TBC1D12: variants seen among roughly 807,000 people sequenced by gnomAD.
The protein encoded by TBC1D12 is TBC1 domain family, member 12.
Under a neutral mutation model 86.7 loss-of-function variants are expected in TBC1D12, and 56 were observed. The ratio of observed to expected loss-of-function variants is 0.65; its 90% confidence interval spans 0.52 to 0.81. The LOEUF is 0.81. TBC1D12 is among the 30% of genes least tolerant of loss of function. The pLI, the probability that TBC1D12 is intolerant of heterozygous loss-of-function variation, is 0.00. For missense variants in TBC1D12, 1,023 were observed against 1,038.8 expected (o/e 0.98, Z 0.21); for synonymous variants, 421 against 411.7 (o/e 1.02, Z -0.27).
chr10:94,491,272 C>T (rs1443552791), intron 3 of TBC1D12, among the ~76,000 whole-genome samples: 1 of 152,086 alleles, frequency 6.6e-6, no homozygotes, highest in Non-Finnish European at 1.5e-5. Context: ...CTCCTACAAC[C>T]TACCAGATCA....
chr10:94,482,710 A>G (rs567060760), intron 3 of TBC1D12, among the ~76,000 whole-genome samples: 2 of 152,154 alleles, frequency 1.3e-5, no homozygotes, highest in South Asian at 2.1e-4. Context: ...TCAGCCTCCC[A>G]AAGTGCTAGG....
At position 94,501,887 on chromosome 10, in the gene TBC1D12, G is replaced by A. The variant is rs1266896797; in HGVS notation, c.1519+1560G>A. Among the ~76,000 whole-genome samples, 3 of 151,986 alleles carry A rather than the reference G, an allele frequency of 2.0e-5. No homozygotes were observed. The East Asian group carries it at 5.8e-4, about 29-fold the overall frequency. On this transcript the variant is annotated intron_variant, in intron 6 of 12. Transcript: ENST00000225235. ...GATGAGTTTTTAAAAAATTAAGCTGGACATGGTGGCTCATGCCTGTAGTCC... is the reference window on the plus strand; with the variant it reads ...GATGAGTTTTTAAAAAATTAAGCTGAACATGGTGGCTCATGCCTGTAGTCC...
chr10:94,471,403 T>G (rs1176775892), intron 2 of TBC1D12, among the ~76,000 whole-genome samples: 1 of 152,196 alleles, frequency 6.6e-6, no homozygotes, highest in Non-Finnish European at 1.5e-5. Context: ...ACAGCTTTCA[T>G]CAAACTTGGC....
rs563172740 is a variant in TBC1D12, at chr10:94,515,979, AT to A, written c.1761+4329del. On this transcript the variant is annotated intron_variant, in intron 9 of 12. Transcript: ENST00000225235. ...GCAGGAAGGAGCAGGACCACTCCAG[AT>A]TTTACCACCCTATTTAGAACAGCAT... 3.0e-3 allele frequency among the ~76,000 whole-genome samples: 455 copies of A among 152,276 alleles called. 3 individuals carry two copies. The highest frequency in any genetic ancestry group is 0.01 in the African/African-American group (429 of 41,556).
At position 94,533,885 on chromosome 10, in the gene TBC1D12, T is replaced by C. The variant is rs1842490102; in HGVS notation, c.*789T>C. On this transcript the variant is annotated 3_prime_UTR_variant, in exon 13 of 13. Transcript: ENST00000225235. ...ACTTCAGTGGATTGAAGACTTGACT[T>C]TGAGAGTAAGTCCAAAAACATATAT... 6.6e-6 allele frequency: 1 copy of C among 152,162 alleles called. No homozygotes were observed. The allele number at this position is 152,162 out of a possible 1,614,324, so 9.4% of individuals were successfully genotyped here.
In TBC1D12 at chr10:94,402,655, C is replaced by A. The variant is rs748811028; in HGVS notation, c.42C>A (p.Asn14Lys). Residue 14 changes from asparagine (N) to lysine (K), a missense_variant, in exon 1 of 13, where the codon AAC becomes AAA. Physicochemically the swap from Asn to Lys is moderately conservative, Grantham distance 94. Transcript: ENST00000225235. ...PEDAGACSGR[N>K]PKLLPVPAPD... ...ATGCCGGAGCCTGCTCGGGAAGAAA[C>A]CCCAAGTTGCTCCCGGTGCCTGCGC... 1.6e-5 allele frequency: 25 copies of A among 1,611,310 alleles called. No individual in the cohort carries two copies. The highest frequency in any genetic ancestry group is 1.3e-4 in the African/African-American group (10 of 74,876).
chr10:94,449,807 GTTCT>G (rs2055523158), intron 2 of TBC1D12, among the ~76,000 whole-genome samples: 1 of 152,134 alleles, frequency 6.6e-6, no homozygotes, highest in Admixed American at 6.5e-5. Flanking sequence ...CTATGCTACT[GTTCT>G]TTCTTCTTGT....
At chr10:94,424,234 G>C (rs966165608) in intron 1 of TBC1D12, among the ~76,000 whole-genome samples, 1 of 152,194 alleles carries the variant, frequency 6.6e-6, no homozygotes, top group East Asian at 1.9e-4. Context: ...TAGAAAGAGA[G>C]TAGTAGGAAA....
intron 3 of TBC1D12, among the ~76,000 whole-genome samples, chr10:94,488,660 G>A (rs1260115621): frequency 6.6e-6 from 1 of 151,690 alleles, no homozygotes; most frequent in Non-Finnish European, 1.5e-5. Context: ...CCAAAGTGCT[G>A]GGATTACAGG....
chr10:94,465,954 G>A, intron 2 of TBC1D12, among the ~76,000 whole-genome samples: 1 of 150,624 alleles, frequency 6.6e-6, no homozygotes, highest in African/African-American at 2.4e-5. Context: ...GCGTATGTAT[G>A]TATATACATG....
At chr10:94,412,502 A>C (rs1332077311) in intron 1 of TBC1D12, among the ~76,000 whole-genome samples, 1 of 152,366 alleles carries the variant, frequency 6.6e-6, no homozygotes, top group Non-Finnish European at 1.5e-5. Flanking sequence ...GCTTTGACTA[A>C]AAAGCAAATC....
chr10:94,451,330 T>G (rs905690641), intron 2 of TBC1D12, among the ~76,000 whole-genome samples: 5 of 152,028 alleles, frequency 3.3e-5, no homozygotes, highest in Admixed American at 6.6e-5. Context: ...AAACAAAAAA[T>G]CTTAAAAAGG....
At chr10:94,443,742 A>AT (rs1407253492) in intron 2 of TBC1D12, among the ~76,000 whole-genome samples, 18 of 152,334 alleles carry the variant, frequency 1.2e-4, no homozygotes, top group African/African-American at 9.6e-5. Context: ...GGTTGCTGTG[A>AT]TAAAAACCAG....
chr10:94,511,430 A>G (rs2056525407), intron 8 of TBC1D12, among the ~76,000 whole-genome samples, 153 bp from the exon 9 acceptor site: 1 of 152,184 alleles, frequency 6.6e-6, no homozygotes, highest in Non-Finnish European at 1.5e-5. Context: ...CATAATTTGG[A>G]AAACATCTTG....
At chr10:94,452,413 A>G (rs2055564322) in intron 2 of TBC1D12, among the ~76,000 whole-genome samples, 2 of 152,138 alleles carry the variant, frequency 1.3e-5, no homozygotes, top group South Asian at 4.1e-4. Context: ...TAGTTTCACT[A>G]CACTAAAAAT....
At chr10:94,520,806 C>A (rs1842130233) in intron 9 of TBC1D12, among the ~76,000 whole-genome samples, 1 of 151,870 alleles carries the variant, frequency 6.6e-6, no homozygotes, top group Non-Finnish European at 1.5e-5. Flanking sequence ...ACTACAGGCA[C>A]CTGCCACCAC....
intron 7 of TBC1D12, 78 bp downstream of exon 7, chr10:94,507,425 G>A (rs2056473525): frequency 7.4e-6 from 9 of 1,218,456 alleles, no homozygotes; most frequent in Middle Eastern, 1.9e-4. Flanking sequence ...TGTAGTAATC[G>A]CTTTACATAT....
intron 2 of TBC1D12, among the ~76,000 whole-genome samples, chr10:94,446,112 A>G (rs2055458575): frequency 6.6e-6 from 1 of 152,046 alleles, no homozygotes; most frequent in African/African-American, 2.4e-5. Flanking sequence ...TTTTCTTTTT[A>G]TAGTAATGGT....
chr10:94,480,278 C>A (rs1041381002), intron 3 of TBC1D12, among the ~76,000 whole-genome samples: 1 of 152,024 alleles, frequency 6.6e-6, no homozygotes, highest in Non-Finnish European at 1.5e-5. Flanking sequence ...TCAAGGGGAC[C>A]CATCATCTTC....
Sources: gnomAD v4.1 joint callset for allele counts (sites outside exome capture counted in the v4.1 genomes callset) on GRCh38, gnomAD v4.1.1 for gene constraint, MANE v1.5 for transcripts, NCBI Gene and HGNC (gene_info 2026-07-23, HGNC 2026-07-21) for gene names.